Variants in KLRD1 observed in about 807,000 individuals in gnomAD.
The protein encoded by KLRD1 is killer cell lectin like receptor D1, also known as natural killer cells antigen CD94.
Under a neutral mutation model 22.6 loss-of-function variants are expected in KLRD1, and 21 were observed. That is an observed-to-expected ratio of 0.93 (90% CI 0.66 to 1.34). KLRD1 has a LOEUF of 1.34. Among genes scored for constraint, KLRD1 ranks in the 40% most tolerant of loss-of-function variants. The pLI is 0.00. For missense variants in KLRD1, 183 were observed against 208.6 expected, an observed-to-expected ratio of 0.88 and a Z score of 0.76; for synonymous variants, 59 against 71.1, an observed-to-expected ratio of 0.83 and a Z score of 0.85.
chr12:10,244,434 A>G (rs371316123), intron 1 of KLRD1, among the ~76,000 whole-genome samples: 8 of 152,266 alleles, frequency 5.3e-5, no homozygotes, highest in East Asian at 3.9e-4. Flanking sequence ...AGAAACCAGA[A>G]ATAAAGCCAG....
At chr12:10,310,269 G>A (rs1365146775) in intron 3 of KLRD1, among the ~76,000 whole-genome samples, 1 of 152,060 alleles carries the variant, frequency 6.6e-6, no homozygotes, top group Non-Finnish European at 1.5e-5. Context: ...ACAGGCGCCC[G>A]CCACCATGCC....
At chr12:10,254,472 G>T (rs577910527) in intron 1 of KLRD1, among the ~76,000 whole-genome samples, 3 of 143,736 alleles carry the variant, frequency 2.1e-5, no homozygotes, top group Non-Finnish European at 4.5e-5. Flanking sequence ...AGAGTAAACA[G>T]ACAATGTACA....
chr12:10,243,607 CAAAAAA>C (rs34864670), intron 1 of KLRD1, among the ~76,000 whole-genome samples: 2 of 28,794 alleles, frequency 6.9e-5, no homozygotes, highest in African/African-American at 4.1e-4. Context: ...AGTGAGACTC[CAAAAAA>C]AAAAAAAAAA....
intron 1 of KLRD1, among the ~76,000 whole-genome samples, chr12:10,269,144 C>A (rs1949526599): frequency 6.6e-6 from 1 of 151,538 alleles, no homozygotes; most frequent in Non-Finnish European, 1.5e-5. Context: ...TATTTGAGTT[C>A]TTTCTTTCCT....
At chr12:10,287,992 T>C (rs1468108253) in intron 1 of KLRD1, among the ~76,000 whole-genome samples, 1 of 147,782 alleles carries the variant, frequency 6.8e-6, no homozygotes, top group Non-Finnish European at 1.5e-5. Flanking sequence ...GGCGTGAACC[T>C]GGGAGGCAGA....
At chr12:10,269,497 C>G (rs1949530216) in intron 1 of KLRD1, among the ~76,000 whole-genome samples, 3 of 152,144 alleles carry the variant, frequency 2.0e-5, no homozygotes, top group African/African-American at 7.2e-5. Context: ...TATTTGGAGG[C>G]ACGTCTTTGA....
chr12:10,302,285 A>C (rs1054914024), upstream of KLRD1, among the ~76,000 whole-genome samples: 9 of 152,208 alleles, frequency 5.9e-5, no homozygotes, highest in Non-Finnish European at 1.2e-4. Context: ...CAATAAAACA[A>C]GGTATGACTG....
chr12:10,288,972 T>C (rs935727034), intron 1 of KLRD1, among the ~76,000 whole-genome samples: 2 of 152,198 alleles, frequency 1.3e-5, no homozygotes, highest in African/African-American at 4.8e-5. Context: ...ATGTGTCTTA[T>C]TATTCTGAGT....
intron 1 of KLRD1, among the ~76,000 whole-genome samples, chr12:10,267,263 T>G (rs1053411502): frequency 1.3e-5 from 2 of 152,118 alleles, no homozygotes; most frequent in Non-Finnish European, 2.9e-5. Flanking sequence ...TAGAACAGTA[T>G]TATCATCTCA....
At chr12:10,249,597 T>C (rs961685516) in intron 1 of KLRD1, among the ~76,000 whole-genome samples, 1 of 152,184 alleles carries the variant, frequency 6.6e-6, no homozygotes, top group Non-Finnish European at 1.5e-5. Flanking sequence ...AAATTAAATA[T>C]ACGGTTTGCA....
intron 1 of KLRD1, among the ~76,000 whole-genome samples, chr12:10,255,085 A>AAGG (rs1335967349): frequency 7.6e-6 from 1 of 132,440 alleles, no homozygotes; most frequent in East Asian, 2.8e-4. Flanking sequence ...TTAAAAAGTC[A>AAGG]AAAAATAATA....
upstream of KLRD1, among the ~76,000 whole-genome samples, chr12:10,306,106 T>C (rs1949921558): frequency 6.6e-6 from 1 of 152,072 alleles, no homozygotes. Flanking sequence ...GAGGCGGAGC[T>C]TGCAGTGAGC....
At chr12:10,244,596 A>G (rs1321943949) in intron 1 of KLRD1, among the ~76,000 whole-genome samples, 4 of 152,060 alleles carry the variant, frequency 2.6e-5, no homozygotes, top group Non-Finnish European at 5.9e-5. Flanking sequence ...AGCCTGGCCA[A>G]AATGGTGAAA....
chr12:10,274,394 T>C (rs1017072430), intron 1 of KLRD1, among the ~76,000 whole-genome samples: 36 of 152,274 alleles, frequency 2.4e-4, no homozygotes, highest in African/African-American at 7.7e-4. Flanking sequence ...CAAACATTAA[T>C]CAAACCAAAG....
chr12:10,260,794 T>A (rs1949445837), intron 1 of KLRD1, among the ~76,000 whole-genome samples: 1 of 151,872 alleles, frequency 6.6e-6, no homozygotes, highest in Admixed American at 6.6e-5. Flanking sequence ...ACAAAAAAAT[T>A]AGCCGGGTGT....
At chr12:10,262,061 C>T (rs141159255) in intron 1 of KLRD1, among the ~76,000 whole-genome samples, 17 of 152,100 alleles carry the variant, frequency 1.1e-4, no homozygotes, top group Admixed American at 1.1e-3. Flanking sequence ...ATTTTAAGGT[C>T]ATATTTTAAT....
chr12:10,318,061 A>G lies in KLRD1; in HGVS notation c.*3268A>G, dbSNP rs1950268817. ...GTGAGGATTAGGGGCACTACAATTC[A>G]AGATGAGATTTGGGTGGGGACACAG... On this transcript the variant is annotated 3_prime_UTR_variant, in exon 6 of 6. Transcript: ENST00000336164. 6.6e-6 allele frequency: 1 copy of G among 152,186 alleles called. No homozygotes were observed. The highest frequency in any genetic ancestry group is 1.5e-5 in the Non-Finnish European group (1 of 68,026). The allele number at this position is 152,186 out of a possible 1,614,324, so 9.4% of individuals were successfully genotyped here.
At chr12:10,266,397 A>T (rs956437605) in intron 1 of KLRD1, among the ~76,000 whole-genome samples, 2 of 152,110 alleles carry the variant, frequency 1.3e-5, no homozygotes, top group African/African-American at 4.8e-5. Context: ...TCTCATTTCC[A>T]TGATTACCTT....
In KLRD1 at chr12:10,324,589, A is replaced by G. The variant is rs773391904; in HGVS notation, c.*9796A>G. 9 of 151,700 alleles carry G rather than the reference A, an allele frequency of 5.9e-5. No homozygotes were observed. The highest frequency in any genetic ancestry group is 1.2e-4 in the Non-Finnish European group (8 of 67,916). The allele number at this position is 151,700 out of a possible 1,614,324, so 9.4% of individuals were successfully genotyped here. ...TGATTTTTTTCTTTTTTATGTCTGC[A>G]TAGTATTCCATGGTGTATATGTACC... On this transcript the variant is annotated 3_prime_UTR_variant, in exon 6 of 6. Transcript: ENST00000336164.
Sources: gnomAD v4.1 joint callset for allele counts (sites outside exome capture counted in the v4.1 genomes callset) on GRCh38, gnomAD v4.1.1 for gene constraint, MANE v1.5 for transcripts, NCBI Gene and HGNC (gene_info 2026-07-23, HGNC 2026-07-21) for gene names.